The following RANGAP1 variants were observed in gnomAD, a reference collection of about 807,000 sequenced individuals.
RANGAP1 encodes the protein ran GTPase-activating protein 1.
In RANGAP1, 38 loss-of-function variants were observed where a neutral mutation model predicts 63.5. The observed-to-expected ratio is 0.60, with a 90% CI of 0.46 to 0.78. The LOEUF (loss-of-function observed/expected upper bound fraction) is 0.78, where lower values mean the gene tolerates loss of function less well. Ranked by LOEUF, RANGAP1 falls within the 30% of genes least tolerant of loss-of-function variation. The pLI is 0.00. For synonymous variants in RANGAP1, 329 were observed against 310.5 expected (o/e 1.06, Z -0.63); for missense variants, 630 against 740.3 (o/e 0.85, Z 1.73).
intron 8 of RANGAP1, 38 bp from the exon 9 acceptor site, chr22:41,256,328 C>T (rs4822017): frequency 0.049 from 78,219 of 1,595,488 alleles, 6,126 homozygotes; most frequent in Admixed American, 0.36. Flanking sequence ...AGGCAGAAAC[C>T]CGGGCCAGGA....
chr22:41,253,943 A>C (rs977257978), intron 11 of RANGAP1, among the ~76,000 whole-genome samples: 1 of 152,042 alleles, frequency 6.6e-6, no homozygotes, highest in African/African-American at 2.4e-5. Flanking sequence ...CCCCGGCTCT[A>C]CTAAAGATAC....
intron 5 of RANGAP1, among the ~76,000 whole-genome samples, chr22:41,264,303 A>C (rs1190469874): frequency 6.6e-6 from 1 of 152,012 alleles, no homozygotes; most frequent in African/African-American, 2.4e-5. Context: ...CCCTGAGCAT[A>C]TGCTCCTCTT....
At chr22:41,273,145 TAAA>T (rs1798770169) in intron 3 of RANGAP1, among the ~76,000 whole-genome samples, 1 of 152,110 alleles carries the variant, frequency 6.6e-6, no homozygotes, top group East Asian at 1.9e-4. Context: ...CCTTGACTTA[TAAA>T]TGGAGACTCA....
intron 11 of RANGAP1, 39 bp downstream of exon 11, chr22:41,254,269 G>A (rs754916867): frequency 6.2e-6 from 10 of 1,612,694 alleles, no homozygotes; most frequent in Non-Finnish European, 8.5e-6. Context: ...CACGTTCTCA[G>A]GACCAGGGCT....
chr22:41,285,773 G>T (rs1678842154), intron 1 of RANGAP1: 2 of 863,972 alleles, frequency 2.3e-6, no homozygotes, highest in African/African-American at 1.8e-5. Context: ...CGAGTCAGAC[G>T]CCCTTTAAGC....
At chr22:41,263,892 A>C (rs1212892203) in intron 5 of RANGAP1, among the ~76,000 whole-genome samples, 1 of 152,110 alleles carries the variant, frequency 6.6e-6, no homozygotes, top group Non-Finnish European at 1.5e-5. Context: ...GATCCACTCC[A>C]CCCCATCTCT....
intron 15 of RANGAP1, among the ~76,000 whole-genome samples, chr22:41,247,814 C>G (rs949158208): frequency 2.0e-5 from 3 of 152,266 alleles, no homozygotes; most frequent in African/African-American, 7.2e-5. Context: ...GGCCGGGCAT[C>G]CCAGACCATT....
chr22:41,283,495 A>T (rs1478080588), intron 1 of RANGAP1, among the ~76,000 whole-genome samples: 1 of 152,146 alleles, frequency 6.6e-6, no homozygotes, highest in Non-Finnish European at 1.5e-5. Flanking sequence ...GCGACAGAGC[A>T]AGACTCCAAC....
chr22:41,249,768 G>C lies in RANGAP1; in HGVS notation c.1533C>G (p.Thr511=). 1 of 1,614,146 alleles carries C rather than the reference G, an allele frequency of 6.2e-7. No individual in the cohort carries two copies. The highest frequency in any genetic ancestry group is 1.1e-5 in the South Asian group (1 of 91,086). Residue 511 remains threonine (T), a synonymous_variant, in exon 14 of 16, where the codon ACC becomes ACG. Coordinates refer to ENST00000356244, the MANE Select transcript of RANGAP1 (RefSeq NM_002883.4). ...TGTGCACGAGCAGCCTGGTGAGGAAGGTGTTGGAGTTGAAGGACGAGGAGT... is the reference window on the plus strand; with the variant it reads ...TGTGCACGAGCAGCCTGGTGAGGAACGTGTTGGAGTTGAAGGACGAGGAGT... ...AFNSSSFNSN[T]FLTRLLVHMG...
At chr22:41,255,353 T>A (rs1456051943) in intron 10 of RANGAP1, among the ~76,000 whole-genome samples, 1 of 152,084 alleles carries the variant, frequency 6.6e-6, no homozygotes, top group Non-Finnish European at 1.5e-5. Flanking sequence ...GACTTGGAGA[T>A]GCGAGGGGCA....
rs71200678 is a variant in RANGAP1, at chr22:41,273,766, C to CAAAAAAA, written c.240+827_240+833dup. On this transcript the variant is annotated intron_variant, in intron 3 of 15. Transcript: ENST00000356244. ...CGGGTGACAGTGTGAGACTCCATCT[C>CAAAAAAA]AAAAAAAAAAAAAAAAAAAAAAAAA... Among the ~76,000 whole-genome samples the CAAAAAAA allele has an allele frequency of 1.4e-3, 34 of 24,356 alleles. 7 individuals are homozygous for CAAAAAAA. The highest frequency in any genetic ancestry group is 1.6e-3 in the Non-Finnish European group (22 of 14,164). The allele number at this position is 24,356 out of a possible 152,430, so 16.0% of individuals were successfully genotyped here.
chr22:41,275,376 C>A (rs2035073704), intron 2 of RANGAP1, among the ~76,000 whole-genome samples: 1 of 151,928 alleles, frequency 6.6e-6, no homozygotes, highest in Non-Finnish European at 1.5e-5. Flanking sequence ...TTTGTAATCC[C>A]AGCTACTCGG....
At chr22:41,249,512 C>T (rs1163623373) in intron 14 of RANGAP1, 61 bp from the exon 15 acceptor site, 4 of 1,606,314 alleles carry the variant, frequency 2.5e-6, no homozygotes, top group Non-Finnish European at 3.4e-6. Context: ...GGCCCCTGGA[C>T]TCCACCATCC....
intron 5 of RANGAP1, among the ~76,000 whole-genome samples, chr22:41,261,996 G>A (rs563752842): frequency 1.1e-4 from 17 of 152,248 alleles, no homozygotes; most frequent in African/African-American, 3.6e-4. Context: ...TAAGAGGAAC[G>A]GAAACTTTCT....
chr22:41,249,260 G>C, intron 15 of RANGAP1, 70 bp downstream of exon 15: 1 of 1,506,888 alleles, frequency 6.6e-7, no homozygotes, highest in African/African-American at 1.4e-5. Flanking sequence ...TCCCGGAACC[G>C]GGCGCCTTCA....
rs1358417213 is a variant in RANGAP1 at position 41,280,626 on chromosome 22, C to CA, written c.112+306dup. Reference sequence around the variant, plus strand: ...GTGGGGACAACACCGGATATTAAGTCAGAGTCAGAGGCTGTATCTTGGGAC... The same window carrying CA: ...GTGGGGACAACACCGGATATTAAGTCAAGAGTCAGAGGCTGTATCTTGGGAC... On this transcript the variant is annotated intron_variant, in intron 2 of 15. Coordinates refer to ENST00000356244, the MANE Select transcript of RANGAP1 (RefSeq NM_002883.4). 6 of 1,274,516 alleles carry CA rather than the reference C, an allele frequency of 4.7e-6. No homozygotes were observed. In the Admixed American group the frequency reaches 1.1e-4, roughly 24 times the overall value. 79.0% of individuals were successfully genotyped at this position (1,274,516 alleles called of 1,614,324 possible).
intron 3 of RANGAP1, among the ~76,000 whole-genome samples, chr22:41,273,216 C>T (rs2034939077): frequency 6.6e-6 from 1 of 152,154 alleles, no homozygotes; most frequent in African/African-American, 2.4e-5. Context: ...GAGCCCAGCC[C>T]AACCCCAGCC....
At chr22:41,264,640 C>A in intron 5 of RANGAP1, 24 bp downstream of exon 5, 1 of 1,601,350 alleles carries the variant, frequency 6.2e-7, no homozygotes, top group Non-Finnish European at 8.5e-7. Context: ...GGGGACTCTG[C>A]GGGGAGGGGG....
At chr22:41,288,290 C>A (rs1290317431), upstream of RANGAP1, among the ~76,000 whole-genome samples, 1 of 152,164 alleles carries the variant, frequency 6.6e-6, no homozygotes, top group Non-Finnish European at 1.5e-5. Context: ...CAGCAGTTGG[C>A]CTGGGACTCT....
Sources: allele counts gnomAD v4.1 joint callset (sites outside exome capture counted in the v4.1 genomes callset), GRCh38; gene constraint gnomAD v4.1.1; transcripts MANE v1.5; gene names NCBI Gene and HGNC (gene_info 2026-07-23, HGNC 2026-07-21).